Variants in MACROD2 observed in about 807,000 individuals in gnomAD.
MACROD2 encodes ADP-ribose glycohydrolase MACROD2.
MACROD2 carries 36 observed loss-of-function variants against 70.4 expected under a neutral mutation model. The observed-to-expected ratio is 0.51, with a 90% confidence interval of 0.39 to 0.68. MACROD2 has a LOEUF of 0.68. MACROD2 is among the 30% of genes least tolerant of loss of function. MACROD2 has a pLI of 0.00. For synonymous variants in MACROD2, 172 were observed against 178.8 expected, an observed-to-expected ratio of 0.96 and a Z score of 0.30; for missense variants, 496 against 538.4, an observed-to-expected ratio of 0.92 and a Z score of 0.78.
chr20:15,106,248 A>T (rs1466439348), intron 5 of MACROD2, among the ~76,000 whole-genome samples: 1 of 152,068 alleles, frequency 6.6e-6, no homozygotes, highest in African/African-American at 2.4e-5. Context: ...GCTTTAATTT[A>T]TTTATATGTG....
intron 2 of MACROD2, among the ~76,000 whole-genome samples, chr20:14,084,989 A>T (rs1441234805): frequency 7.5e-6 from 1 of 133,894 alleles, no homozygotes; most frequent in African/African-American, 2.8e-5. Flanking sequence ...TGGGCATGGC[A>T]TGGTGGCTCA....
chr20:14,118,539 T>A (rs559581546), intron 3 of MACROD2, among the ~76,000 whole-genome samples: 132 of 152,332 alleles, frequency 8.7e-4, no homozygotes, highest in Non-Finnish European at 1.5e-3. Context: ...AACTTTCAAA[T>A]CTTATATTTC....
At chr20:14,632,145 G>A (rs1225415914) in intron 4 of MACROD2, among the ~76,000 whole-genome samples, 3 of 151,990 alleles carry the variant, frequency 2.0e-5, no homozygotes, top group Admixed American at 6.6e-5. Context: ...TACAGAGAAA[G>A]TAAGCTTACT....
At chr20:14,467,235 C>T (rs1264182658) in intron 3 of MACROD2, among the ~76,000 whole-genome samples, 1 of 152,168 alleles carries the variant, frequency 6.6e-6, no homozygotes, top group African/African-American at 2.4e-5. Flanking sequence ...TGAGCAATGG[C>T]AGGCGCCCCT....
chr20:14,970,414 A>G (rs959162059), intron 5 of MACROD2, among the ~76,000 whole-genome samples: 19 of 152,264 alleles, frequency 1.2e-4, no homozygotes, highest in Middle Eastern at 3.4e-3. Context: ...AAGCTACTTT[A>G]AAAAAGGAAA....
chr20:15,567,456 G>A (rs1481605492), intron 8 of MACROD2, among the ~76,000 whole-genome samples: 3 of 152,126 alleles, frequency 2.0e-5, no homozygotes, highest in African/African-American at 7.2e-5. Context: ...CAACACCTGG[G>A]AATAATAGAG....
At chr20:14,750,759 G>A (rs572930246) in intron 5 of MACROD2, among the ~76,000 whole-genome samples, 9 of 152,018 alleles carry the variant, frequency 5.9e-5, no homozygotes, top group East Asian at 3.9e-4. Flanking sequence ...ATGCCTGGCC[G>A]TAACCAATTA....
At chr20:14,220,217 G>A (rs779759326) in intron 3 of MACROD2, among the ~76,000 whole-genome samples, 1 of 152,084 alleles carries the variant, frequency 6.6e-6, no homozygotes, top group Non-Finnish European at 1.5e-5. Flanking sequence ...CTGCTGTTGG[G>A]GGGTGGAGGT....
intron 8 of MACROD2, among the ~76,000 whole-genome samples, chr20:15,529,016 A>T (rs906983583): frequency 6.6e-6 from 1 of 152,212 alleles, no homozygotes; most frequent in African/African-American, 2.4e-5. Flanking sequence ...TATATCTTAA[A>T]GAAGATGGAA....
At chr20:14,371,678 A>G (rs1035689097) in intron 3 of MACROD2, among the ~76,000 whole-genome samples, 4 of 152,176 alleles carry the variant, frequency 2.6e-5, no homozygotes, top group Non-Finnish European at 5.9e-5. Flanking sequence ...AAGTGAAGGA[A>G]TTAAGTAACT....
chr20:14,435,680 A>G (rs1375380413), intron 3 of MACROD2, among the ~76,000 whole-genome samples: 4 of 151,724 alleles, frequency 2.6e-5, no homozygotes, highest in Non-Finnish European at 5.9e-5. Flanking sequence ...TACTTAAAGT[A>G]CATTAGTACA....
intron 5 of MACROD2, among the ~76,000 whole-genome samples, chr20:15,004,903 T>C (rs190412111): frequency 1.3e-5 from 2 of 152,336 alleles, no homozygotes; most frequent in Admixed American, 1.3e-4. Flanking sequence ...GTGTTTGATT[T>C]CCATATACTT....
chr20:15,615,945 G>T (rs1197580247), intron 8 of MACROD2, among the ~76,000 whole-genome samples: 1 of 151,994 alleles, frequency 6.6e-6, no homozygotes, highest in African/African-American at 2.4e-5. Context: ...AAACAAATTT[G>T]GTTACTAAAT....
chr20:15,772,573 C>T (rs1353525940), intron 8 of MACROD2, among the ~76,000 whole-genome samples: 1 of 152,048 alleles, frequency 6.6e-6, no homozygotes, highest in African/African-American at 2.4e-5. Context: ...TGTTTTCACA[C>T]TGCTATAAAG....
chr20:15,022,736 C>T lies in MACROD2; in HGVS notation c.419-207204C>T, dbSNP rs973467478. ...TTGCCAAATGCATAATGACATGTAT[C>T]CACCATTACAGTATCATACAGAATA... is the stretch of plus-strand genomic sequence containing the variant. On this transcript the variant is annotated intron_variant, in intron 5 of 17. Coordinates refer to ENST00000684519, the MANE Select transcript of MACROD2 (RefSeq NM_001351661.2). 3 of 152,106 alleles carry T rather than the reference C, an allele frequency of 2.0e-5. No homozygotes were observed. The South Asian group carries it at 6.2e-4, about 32-fold the overall frequency. 9.4% of individuals were successfully genotyped at this position (152,106 alleles called of 1,614,324 possible).
chr20:15,275,999 T>C (rs1252760272), intron 6 of MACROD2, among the ~76,000 whole-genome samples: 3 of 152,186 alleles, frequency 2.0e-5, no homozygotes, highest in African/African-American at 4.8e-5. Flanking sequence ...GAGAACCATG[T>C]TACATTTAGG....
chr20:14,828,747 A>G (rs1483723493), intron 5 of MACROD2, among the ~76,000 whole-genome samples: 1 of 152,060 alleles, frequency 6.6e-6, no homozygotes, highest in Non-Finnish European at 1.5e-5. Flanking sequence ...TGAGTTTAAT[A>G]TATACTGTGT....
At chr20:14,279,644 G>A (rs1240957222) in intron 3 of MACROD2, among the ~76,000 whole-genome samples, 2 of 152,118 alleles carry the variant, frequency 1.3e-5, no homozygotes, top group East Asian at 3.9e-4. Flanking sequence ...AGAGACAGGG[G>A]CAGGATTTGA....
intron 5 of MACROD2, chr20:14,895,685 A>G (rs2073819386): frequency 6.6e-6 from 1 of 152,172 alleles, no homozygotes; most frequent in South Asian, 2.1e-4. Flanking sequence ...TCAATGTTTT[A>G]TTAATTAATA....
Sources: gnomAD v4.1 joint callset for allele counts (sites outside exome capture counted in the v4.1 genomes callset) on GRCh38, gnomAD v4.1.1 for gene constraint, MANE v1.5 for transcripts, NCBI Gene and HGNC (gene_info 2026-07-23, HGNC 2026-07-21) for gene names.